LAMA2: variants seen among roughly 807,000 people sequenced by gnomAD.
LAMA2 encodes the protein laminin subunit alpha 2.
Under a neutral mutation model 364.8 loss-of-function variants are expected in LAMA2, and 269 were observed. That is an observed-to-expected ratio of 0.74 (90% CI 0.67 to 0.82). The LOEUF (loss-of-function observed/expected upper bound fraction) is 0.82, where lower values mean the gene tolerates loss of function less well. LAMA2 is among the 40% of genes least tolerant of loss of function. The probability of loss-of-function intolerance (pLI) is 0.00; values close to 1 mark genes in which losing one functional copy is unlikely to be tolerated. For synonymous variants in LAMA2, 1,379 were observed against 1,370.6 expected, an observed-to-expected ratio of 1.01 and a Z score of -0.14; for missense variants, 3,807 against 3,873.2, an observed-to-expected ratio of 0.98 and a Z score of 0.45.
intron 1 of LAMA2, among the ~76,000 whole-genome samples, chr6:129,002,607 A>T (rs1784233992): frequency 5.5e-5 from 1 of 18,196 alleles, no homozygotes; most frequent in South Asian, 3.1e-3. Context: ...TACACCAACA[A>T]CAGACAAACA....
intron 1 of LAMA2, among the ~76,000 whole-genome samples, chr6:128,975,450 C>T (rs947476237): frequency 6.6e-6 from 1 of 152,058 alleles, no homozygotes; most frequent in Non-Finnish European, 1.5e-5. Flanking sequence ...AGTATATGAC[C>T]TATTTCAGGA....
rs1343472728 is a variant in LAMA2 at position 129,205,493 on chromosome 6, T to TATAC, written c.1782+12641_1782+12642insTACA. 5.0e-4 allele frequency among the ~76,000 whole-genome samples: 52 copies of TATAC among 104,264 alleles called. 1 individual carries two copies. Among genetic ancestry groups the TATAC allele is most frequent in the East Asian group, 2.4e-3 (10 of 4,122 alleles). The allele number at this position is 104,264 out of a possible 152,430, so 68.4% of individuals were successfully genotyped here. ...TATTCTGTAAGTATATATATATATATACACACACACACACACACACACACA... is the reference window on the plus strand; with the variant it reads ...TATTCTGTAAGTATATATATATATATATACACACACACACACACACACACACACA... On this transcript the variant is annotated intron_variant, in intron 12 of 64. Coordinates refer to ENST00000421865, the MANE Select transcript of LAMA2 (RefSeq NM_000426.4).
At chr6:128,992,598 C>T (rs1335247868) in intron 1 of LAMA2, among the ~76,000 whole-genome samples, 3 of 152,052 alleles carry the variant, frequency 2.0e-5, no homozygotes, top group Admixed American at 2.0e-4. Context: ...GGTACAGGGC[C>T]CAGGGACTGG....
intron 31 of LAMA2, among the ~76,000 whole-genome samples, chr6:129,352,158 A>T (rs1776886372): frequency 6.6e-6 from 1 of 152,248 alleles, no homozygotes; most frequent in South Asian, 2.1e-4. Context: ...CTATATTAAA[A>T]ACAGGCAGTG....
At chr6:128,896,362 A>C (rs959344855) in intron 1 of LAMA2, among the ~76,000 whole-genome samples, 1 of 150,842 alleles carries the variant, frequency 6.6e-6, no homozygotes, top group Non-Finnish European at 1.5e-5. Flanking sequence ...ATTACTTTGG[A>C]ATCCATGTCC....
chr6:129,268,053 A>G (rs1787634379), intron 16 of LAMA2, among the ~76,000 whole-genome samples: 1 of 152,096 alleles, frequency 6.6e-6, no homozygotes, highest in Non-Finnish European at 1.5e-5. Context: ...GTAATTCTTA[A>G]TGTTCTATCT....
rs143210103 is a variant in LAMA2 at position 129,247,874 on chromosome 6, C to T, written c.1783-2238C>T. 1.8e-3 allele frequency among the ~76,000 whole-genome samples: 267 copies of T among 152,238 alleles called. 2 individuals are homozygous for T. Among genetic ancestry groups the T allele is most frequent in the African/African-American group, 5.8e-3 (240 of 41,536 alleles). ...TTCCTTAGTTCATGTTTTATATTAT[C>T]GCTGACCTGCATGAGGAGCCCCTAT... On this transcript the variant is annotated intron_variant, in intron 12 of 64. Coordinates refer to ENST00000421865, the MANE Select transcript of LAMA2 (RefSeq NM_000426.4).
chr6:129,349,371 C>T lies in LAMA2; in HGVS notation c.4510C>T (p.Gln1504Ter). Residue 1504 changes from glutamine (Q) to a stop codon, truncating the protein, a stop_gained, in exon 31 of 65, where the codon CAG becomes TAG. Coordinates refer to ENST00000421865, the MANE Select transcript of LAMA2 (RefSeq NM_000426.4). LOFTEE classifies it high-confidence loss of function. ...GGCTTGTCCACGGGGATATGAAGGC[C>T]AGTACTGTGAAAGGTACCAACAGCC... ...CTACPRGYEG[Q>*]YCERCAPGYT... 1 of 1,612,996 alleles carries T rather than the reference C, an allele frequency of 6.2e-7. No homozygotes were observed. Among genetic ancestry groups the T allele is most frequent in the Non-Finnish European group, 8.5e-7 (1 of 1,179,206 alleles).
At chr6:129,428,455 A>T (rs1429568387) in intron 41 of LAMA2, among the ~76,000 whole-genome samples, 1 of 152,126 alleles carries the variant, frequency 6.6e-6, no homozygotes, top group East Asian at 1.9e-4. Flanking sequence ...ACAAAATTAA[A>T]TACATTTTTC....
At chr6:129,505,757 C>T (rs573803892) in intron 61 of LAMA2, among the ~76,000 whole-genome samples, 2 of 151,894 alleles carry the variant, frequency 1.3e-5, no homozygotes, top group Non-Finnish European at 2.9e-5. Context: ...TGGTCTCAAT[C>T]TCCTGACCTC....
chr6:129,070,644 C>T (rs566017203), intron 3 of LAMA2, among the ~76,000 whole-genome samples: 1 of 152,158 alleles, frequency 6.6e-6, no homozygotes, highest in Non-Finnish European at 1.5e-5. Context: ...TCCTTAAAAG[C>T]TTTTCTGATT....
chr6:129,075,698 C>G lies in LAMA2; in HGVS notation c.396+15802C>G, dbSNP rs551390204. Among the ~76,000 whole-genome samples the G allele has an allele frequency of 9.2e-5, 14 of 152,124 alleles. No homozygotes were observed. The South Asian group carries it at 2.9e-3, about 32-fold the overall frequency. On this transcript the variant is annotated intron_variant, in intron 3 of 64. Transcript: ENST00000421865. ...AAATGTTGACTCCTAGGAGTTTGGC[C>G]TGAAGAAATTTTCCTGAAATAGTAT...
chr6:129,365,474 T>G (rs1392384889), intron 32 of LAMA2, among the ~76,000 whole-genome samples: 1 of 152,160 alleles, frequency 6.6e-6, no homozygotes, highest in African/African-American at 2.4e-5. Context: ...GTGATTCTCC[T>G]GCCTCAGCCT....
intron 58 of LAMA2, among the ~76,000 whole-genome samples, chr6:129,501,128 G>C (rs1785598114): frequency 6.6e-6 from 1 of 152,154 alleles, no homozygotes; most frequent in Non-Finnish European, 1.5e-5. Context: ...ACGGTCCTCT[G>C]TCCGGGAAAT....
At chr6:129,049,541 G>A (rs1787843616) in intron 1 of LAMA2, among the ~76,000 whole-genome samples, 1 of 151,940 alleles carries the variant, frequency 6.6e-6, no homozygotes, top group Non-Finnish European at 1.5e-5. Flanking sequence ...ATGCAATTAT[G>A]TCTTGATACT....
At position 129,453,141 on chromosome 6, in the gene LAMA2, A is replaced by T. The variant is rs375652107; in HGVS notation, c.6573+10A>T. 6.2e-7 allele frequency: 1 copy of T among 1,610,482 alleles called. No individual in the cohort carries two copies. Among genetic ancestry groups the T allele is most frequent in the African/African-American group, 1.3e-5 (1 of 74,834 alleles). ...TGGAAGTGCCAAATTTGTAAGTCTA[A>T]TATTCAACTTTTCATTAGGCTGCTG... On this transcript the variant is annotated intron_variant, in intron 46 of 64. Coordinates refer to ENST00000421865, the MANE Select transcript of LAMA2 (RefSeq NM_000426.4).
At chr6:129,238,873 C>A (rs1270552641) in intron 12 of LAMA2, among the ~76,000 whole-genome samples, 3 of 151,444 alleles carry the variant, frequency 2.0e-5, no homozygotes, top group Non-Finnish European at 4.4e-5. Context: ...GCAATTGGGT[C>A]TCCTTATTTT....
At chr6:128,923,188 G>T (rs1018317375) in intron 1 of LAMA2, among the ~76,000 whole-genome samples, 6 of 148,682 alleles carry the variant, frequency 4.0e-5, no homozygotes, top group Non-Finnish European at 8.9e-5. Context: ...ACTTGGCGAT[G>T]CGGGCTCTTT....
chr6:129,311,455 T>C (rs1583467224), intron 22 of LAMA2, among the ~76,000 whole-genome samples: 1 of 152,156 alleles, frequency 6.6e-6, no homozygotes, highest in East Asian at 1.9e-4. Flanking sequence ...GGAAGTGTGG[T>C]GGGCCGCCAT....
Sources: gnomAD v4.1 joint callset for allele counts (sites outside exome capture counted in the v4.1 genomes callset) on GRCh38, gnomAD v4.1.1 for gene constraint, MANE v1.5 for transcripts, NCBI Gene and HGNC (gene_info 2026-07-23, HGNC 2026-07-21) for gene names.